Variants in CSMD1 observed in about 807,000 individuals in gnomAD.
The protein encoded by CSMD1 is CUB and Sushi multiple domains 1, also known as CUB and sushi domain-containing protein 1.
CSMD1 carries 213 observed loss-of-function variants against 417.5 expected under a neutral mutation model. The ratio of observed to expected loss-of-function variants is 0.51; its 90% CI spans 0.46 to 0.57. The LOEUF is 0.57. CSMD1 is among the 20% of genes least tolerant of loss of function. The pLI, the probability that CSMD1 is intolerant of heterozygous loss-of-function variation, is 0.00. For missense variants in CSMD1, 6,923 were observed against 4,529.7 expected (o/e 1.53, Z -15.17); for synonymous variants, 2,862 against 1,736.8 (o/e 1.65, Z -16.11).
At chr8:4,788,374 C>T (rs1797520874) in intron 1 of CSMD1, 16 of 1,432,058 alleles carry the variant, frequency 1.1e-5, no homozygotes, top group Non-Finnish European at 1.6e-5. Context: ...CCCCTCACAC[C>T]AGACTGGGGA....
chr8:4,401,967 C>T (rs900373940), intron 3 of CSMD1, among the ~76,000 whole-genome samples: 1 of 152,106 alleles, frequency 6.6e-6, no homozygotes, highest in Non-Finnish European at 1.5e-5. Context: ...ACACTGGCTC[C>T]TTGAAAATTT....
At chr8:4,236,253 G>A (rs1802052757) in intron 3 of CSMD1, among the ~76,000 whole-genome samples, 1 of 151,938 alleles carries the variant, frequency 6.6e-6, no homozygotes, top group East Asian at 1.9e-4. Flanking sequence ...TTCCTGAGGG[G>A]CTTTATTTGT....
chr8:3,972,739 C>G (rs1813173294), intron 5 of CSMD1, among the ~76,000 whole-genome samples: 2 of 152,134 alleles, frequency 1.3e-5, no homozygotes, highest in African/African-American at 2.4e-5. Flanking sequence ...ACACACAGCA[C>G]CAGCTAAAAG....
At chr8:3,675,547 G>C (rs959919295) in intron 7 of CSMD1, among the ~76,000 whole-genome samples, 69 of 152,036 alleles carry the variant, frequency 4.5e-4, no homozygotes, top group African/African-American at 1.6e-3. Flanking sequence ...TGGAAGTGAT[G>C]CTTTCAGGAA....
At chr8:3,480,895 G>A (rs1335061438) in intron 11 of CSMD1, among the ~76,000 whole-genome samples, 2 of 151,822 alleles carry the variant, frequency 1.3e-5, no homozygotes, top group Non-Finnish European at 2.9e-5. Context: ...AATGGCTCAC[G>A]CCTGTAATCC....
At position 3,711,684 on chromosome 8, in the gene CSMD1, C is replaced by T. The variant is rs1000097788; in HGVS notation, c.932-3193G>A. ...CACTTCTGCGGTTCTCCTGGTGGCACACTCAGAAGTCCTCTGCCAGCTCTC... is the reference window on the plus strand; with the variant it reads ...CACTTCTGCGGTTCTCCTGGTGGCATACTCAGAAGTCCTCTGCCAGCTCTC... On this transcript the variant is annotated intron_variant, in intron 6 of 69. Coordinates refer to ENST00000635120, the MANE Select transcript of CSMD1 (RefSeq NM_033225.6). 9.2e-5 allele frequency among the ~76,000 whole-genome samples: 14 copies of T among 152,286 alleles called. No homozygotes were observed. The Middle Eastern group carries it at 0.014, about 148-fold the overall frequency.
intron 1 of CSMD1, among the ~76,000 whole-genome samples, chr8:4,665,031 T>G (rs1054628302): frequency 4.6e-4 from 70 of 152,220 alleles, no homozygotes; most frequent in African/African-American, 1.6e-3. Flanking sequence ...ATTTTAATTT[T>G]CAAACTGTTT....
At chr8:3,516,609 G>C (rs1232449587) in intron 10 of CSMD1, among the ~76,000 whole-genome samples, 1 of 152,044 alleles carries the variant, frequency 6.6e-6, no homozygotes, top group Non-Finnish European at 1.5e-5. Context: ...TTAAGAGGAT[G>C]TTTATTTTTG....
chr8:3,871,485 C>A (rs1585119650), intron 5 of CSMD1, among the ~76,000 whole-genome samples: 1 of 152,050 alleles, frequency 6.6e-6, no homozygotes, highest in Non-Finnish European at 1.5e-5. Context: ...AATTTATTTT[C>A]ATAGACTTAA....
At chr8:3,411,514 G>C (rs1053430085) in intron 12 of CSMD1, among the ~76,000 whole-genome samples, 2 of 151,476 alleles carry the variant, frequency 1.3e-5, no homozygotes, top group Admixed American at 6.6e-5. Context: ...TCATAGCTTA[G>C]CTCCCACTTA....
At chr8:4,689,393 A>T (rs1335613262) in intron 1 of CSMD1, among the ~76,000 whole-genome samples, 1 of 152,190 alleles carries the variant, frequency 6.6e-6, no homozygotes, top group Non-Finnish European at 1.5e-5. Flanking sequence ...TTGTCATCTA[A>T]AATTGTCTAT....
At chr8:3,152,398 G>A (rs1301441549) in intron 39 of CSMD1, among the ~76,000 whole-genome samples, 1 of 152,166 alleles carries the variant, frequency 6.6e-6, no homozygotes, top group African/African-American at 2.4e-5. Context: ...TTTTCAGGAA[G>A]CCCAAAGGAA....
intron 1 of CSMD1, among the ~76,000 whole-genome samples, chr8:4,841,930 A>AAAAAAAAACAAAACAAAAC (rs1192383183): frequency 2.5e-5 from 3 of 122,426 alleles, no homozygotes; most frequent in Non-Finnish European, 3.4e-5. Flanking sequence ...AAAAAAAAAA[A>AAAAAAAAACAAAACAAAAC]AAAAAAAAGT....
intron 3 of CSMD1, among the ~76,000 whole-genome samples, chr8:4,077,842 A>C (rs954609800): frequency 6.6e-6 from 1 of 152,128 alleles, no homozygotes; most frequent in African/African-American, 2.4e-5. Context: ...AACCAAATTG[A>C]GCCTAAATAT....
intron 2 of CSMD1, among the ~76,000 whole-genome samples, chr8:4,479,917 G>T (rs1800997062): frequency 1.3e-5 from 2 of 150,154 alleles, no homozygotes; most frequent in Admixed American, 1.3e-4. Flanking sequence ...AGTGAGCCGA[G>T]ATGGAGCCAC....
chr8:4,860,774 A>G (rs1206977602), intron 1 of CSMD1, among the ~76,000 whole-genome samples: 1 of 152,116 alleles, frequency 6.6e-6, no homozygotes, highest in Non-Finnish European at 1.5e-5. Flanking sequence ...ATTTATCACT[A>G]CATCCCTGAT....
intron 3 of CSMD1, among the ~76,000 whole-genome samples, chr8:4,047,845 T>C (rs777118760): frequency 1.3e-5 from 2 of 152,070 alleles, no homozygotes; most frequent in Admixed American, 6.5e-5. Context: ...AAAAAAAATA[T>C]GAAGTAGAGG....
intron 1 of CSMD1, among the ~76,000 whole-genome samples, chr8:4,842,871 A>G (rs1800921578): frequency 6.6e-6 from 1 of 152,216 alleles, no homozygotes; most frequent in Non-Finnish European, 1.5e-5. Flanking sequence ...TTAAAGGCTT[A>G]TCAATAGAAC....
chr8:3,599,200 A>G (rs533547012), intron 8 of CSMD1, among the ~76,000 whole-genome samples: 75 of 151,716 alleles, frequency 4.9e-4, no homozygotes, highest in South Asian at 1.7e-3. Flanking sequence ...GATACTGTAT[A>G]TATTTAAAGG....
Sources: allele counts gnomAD v4.1 joint callset (sites outside exome capture counted in the v4.1 genomes callset), GRCh38; gene constraint gnomAD v4.1.1; transcripts MANE v1.5; gene names NCBI Gene and HGNC (gene_info 2026-07-23, HGNC 2026-07-21).